Variants in TLN2 observed in about 807,000 individuals in gnomAD.
TLN2 encodes talin 2.
TLN2 carries 118 observed loss-of-function variants against 294.7 expected under a neutral mutation model. The observed-to-expected ratio is 0.40, with a 90% CI of 0.34 to 0.47. The LOEUF (loss-of-function observed/expected upper bound fraction) is 0.47, where lower values mean the gene tolerates loss of function less well. TLN2 is among the 20% of genes least tolerant of loss of function. TLN2 has a pLI of 0.84. For synonymous variants in TLN2, 1,431 were observed against 1,304.5 expected (o/e 1.10, Z -2.09); for missense variants, 3,083 against 3,282.2 (o/e 0.94, Z 1.48).
At chr15:62,728,758 A>AT (rs1252565646) in intron 28 of TLN2, among the ~76,000 whole-genome samples, 11 of 152,146 alleles carry the variant, frequency 7.2e-5, no homozygotes, top group African/African-American at 2.7e-4. Context: ...TTCCTCATTT[A>AT]TAGGAGTTCT....
chr15:62,412,362 A>C lies in TLN2; in HGVS notation c.-238+21677A>C, dbSNP rs76065617. ...GACGGAGGTCTGGGATTTGAACTCA[A>C]GTTTCTGGCTCCAAATTGAGTGCTC... is the stretch of plus-strand genomic sequence containing the variant. On this transcript the variant is annotated intron_variant, in intron 1 of 58. Transcript: ENST00000636159. 2.6e-3 allele frequency among the ~76,000 whole-genome samples: 391 copies of C among 152,258 alleles called. 2 individuals carry two copies. The highest frequency in any genetic ancestry group is 7.6e-3 in the African/African-American group (316 of 41,562).
chr15:62,844,296 G>A lies in TLN2; in HGVS notation c.*3686G>A, dbSNP rs2070992535. 1 of 152,056 alleles carries A rather than the reference G, an allele frequency of 6.6e-6. No homozygotes were observed. Among genetic ancestry groups the A allele is most frequent in the South Asian group, 2.1e-4 (1 of 4,818 alleles). 9.4% of individuals were successfully genotyped at this position (152,056 alleles called of 1,614,324 possible). ...TGTCATGTTTATGGTCACTACGGAT[G>A]AGTGTGTGCAGAGTTTGGGTTGATT... is the stretch of plus-strand genomic sequence containing the variant. On this transcript the variant is annotated 3_prime_UTR_variant, in exon 59 of 59. Transcript: ENST00000636159.
At chr15:62,819,903 C>A (rs1156579658) in intron 53 of TLN2, among the ~76,000 whole-genome samples, 2 of 152,174 alleles carry the variant, frequency 1.3e-5, no homozygotes, top group Non-Finnish European at 2.9e-5. Context: ...CTCCCCATTT[C>A]TTTTTTGTCT....
chr15:62,526,335 G>A (rs375239269), intron 1 of TLN2, among the ~76,000 whole-genome samples: 7 of 152,088 alleles, frequency 4.6e-5, no homozygotes, highest in Admixed American at 2.0e-4. Context: ...TCACCATGTT[G>A]GCCAGGCTGG....
At chr15:62,775,931 A>C (rs756787210) in intron 42 of TLN2, among the ~76,000 whole-genome samples, 35 of 152,190 alleles carry the variant, frequency 2.3e-4, no homozygotes, top group Non-Finnish European at 4.1e-4. Flanking sequence ...CCCACACTGC[A>C]TAGTGTTGTT....
At chr15:62,683,974 T>C (rs977159063) in intron 11 of TLN2, 1 of 152,344 alleles carries the variant, frequency 6.6e-6, no homozygotes, top group Non-Finnish European at 1.5e-5. Context: ...AGCCATTTGC[T>C]ACTTTACCTT....
chr15:62,520,874 T>C (rs1458364998), intron 1 of TLN2, among the ~76,000 whole-genome samples: 1 of 152,252 alleles, frequency 6.6e-6, no homozygotes, highest in Non-Finnish European at 1.5e-5. Context: ...TTAATTTTTA[T>C]GTACTTGTTA....
chr15:62,758,928 C>G (rs2062481239), intron 37 of TLN2, among the ~76,000 whole-genome samples: 1 of 139,402 alleles, frequency 7.2e-6, no homozygotes, highest in South Asian at 2.7e-4. Context: ...CTTTAGGGTC[C>G]CCTCTAACCC....
chr15:62,512,055 C>A lies in TLN2; in HGVS notation c.-237-77632C>A, dbSNP rs542257977. On this transcript the variant is annotated intron_variant, in intron 1 of 58. Coordinates refer to ENST00000636159, the MANE Select transcript of TLN2 (RefSeq NM_015059.3). ...CTAAATACTCCTCTTCCAGCACTTACTTCTTCAGTCACAAAGTTGCTTTGC... is the reference window on the plus strand; with the variant it reads ...CTAAATACTCCTCTTCCAGCACTTAATTCTTCAGTCACAAAGTTGCTTTGC... Among the ~76,000 whole-genome samples, 44 of 152,266 alleles carry A rather than the reference C, an allele frequency of 2.9e-4. No individual in the cohort carries two copies. In the South Asian group the frequency reaches 8.9e-3, roughly 31 times the overall value.
At chr15:62,674,589 C>T (rs1047548115) in intron 10 of TLN2, among the ~76,000 whole-genome samples, 5 of 151,092 alleles carry the variant, frequency 3.3e-5, no homozygotes. Context: ...CGTACCTCCC[C>T]CCGCCCTGTT....
chr15:62,717,089 G>A (rs185920567), intron 23 of TLN2, among the ~76,000 whole-genome samples: 67 of 152,228 alleles, frequency 4.4e-4, no homozygotes, highest in Non-Finnish European at 6.9e-4. Flanking sequence ...AAGTAACATT[G>A]TTGTTCTTGG....
At chr15:62,731,556 C>A (rs1224896762) in intron 28 of TLN2, among the ~76,000 whole-genome samples, 3 of 152,078 alleles carry the variant, frequency 2.0e-5, no homozygotes, top group Non-Finnish European at 2.9e-5. Context: ...CTTGTGTGTC[C>A]CGTCTGAAAG....
At chr15:62,615,929 G>A (rs2140839100) in intron 2 of TLN2, among the ~76,000 whole-genome samples, 1 of 152,166 alleles carries the variant, frequency 6.6e-6, no homozygotes, top group African/African-American at 2.4e-5. Context: ...GTTTGGATTT[G>A]TATTTGGAGG....
intron 45 of TLN2, among the ~76,000 whole-genome samples, chr15:62,789,249 G>A (rs570062210): frequency 9.2e-5 from 14 of 152,254 alleles, no homozygotes; most frequent in African/African-American, 3.1e-4. Flanking sequence ...TGACAGTTGC[G>A]TGACTTGGCA....
chr15:62,733,421 G>C (rs2060836960), intron 28 of TLN2, among the ~76,000 whole-genome samples: 1 of 152,208 alleles, frequency 6.6e-6, no homozygotes, highest in Non-Finnish European at 1.5e-5. Flanking sequence ...TGAGGTGTGT[G>C]GGGTTTTCAG....
intron 1 of TLN2, among the ~76,000 whole-genome samples, chr15:62,547,276 G>T (rs1229239566): frequency 1.3e-5 from 2 of 152,170 alleles, no homozygotes; most frequent in African/African-American, 2.4e-5. Context: ...AAATCCTTGT[G>T]CAGATAAGGG....
intron 28 of TLN2, among the ~76,000 whole-genome samples, chr15:62,731,341 CT>C (rs200324101): frequency 1.4e-5 from 2 of 147,684 alleles, no homozygotes. Flanking sequence ...CTGGTGTTTT[CT>C]TTTTTTTTCT....
intron 1 of TLN2, among the ~76,000 whole-genome samples, chr15:62,441,204 C>G (rs12708472): frequency 0.38 from 57,603 of 152,044 alleles, 11,189 homozygotes; most frequent in Middle Eastern, 0.56. Flanking sequence ...GGGATCCCTT[C>G]CAAGGCCCTG....
intron 2 of TLN2, among the ~76,000 whole-genome samples, chr15:62,597,339 A>T (rs2046618224): frequency 6.6e-6 from 1 of 152,192 alleles, no homozygotes; most frequent in African/African-American, 2.4e-5. Flanking sequence ...GATTAAGTAG[A>T]TGCTGTTCCC....
Sources: gnomAD v4.1 joint callset for allele counts (sites outside exome capture counted in the v4.1 genomes callset) on GRCh38, gnomAD v4.1.1 for gene constraint, MANE v1.5 for transcripts, NCBI Gene and HGNC (gene_info 2026-07-23, HGNC 2026-07-21) for gene names.